DSCAM: variants seen among roughly 807,000 people sequenced by gnomAD.
DSCAM encodes DS cell adhesion molecule.
DSCAM carries 47 observed loss-of-function variants against 217.7 expected under a neutral mutation model. The ratio of observed to expected loss-of-function variants is 0.22; its 90% CI spans 0.17 to 0.28. The LOEUF is 0.28. Among genes scored for constraint, DSCAM ranks in the 10% least tolerant of loss-of-function variants. The pLI, the probability that DSCAM is intolerant of heterozygous loss-of-function variation, is 1.00. For synonymous variants in DSCAM, 1,056 were observed against 1,015.3 expected, an observed-to-expected ratio of 1.04 and a Z score of -0.76; for missense variants, 2,080 against 2,618.3, an observed-to-expected ratio of 0.79 and a Z score of 4.49.
intron 1 of DSCAM, among the ~76,000 whole-genome samples, chr21:40,709,082 T>C (rs1008010717): frequency 2.6e-5 from 4 of 152,184 alleles, no homozygotes; most frequent in Non-Finnish European, 5.9e-5. Flanking sequence ...CATTGGACTG[T>C]ATATATTTTA....
chr21:40,591,052 C>T (rs763762377), intron 3 of DSCAM, among the ~76,000 whole-genome samples: 3 of 152,150 alleles, frequency 2.0e-5, no homozygotes, highest in Non-Finnish European at 2.9e-5. Context: ...ATCATGGGGG[C>T]AGTTGCCCCA....
chr21:40,739,954 ATTTTTTTTTTTT>A (rs56815777), intron 1 of DSCAM, among the ~76,000 whole-genome samples: 131 of 58,986 alleles, frequency 2.2e-3, no homozygotes, highest in African/African-American at 8.0e-3. Context: ...TGCAGGTGTA[ATTTTTTTTTTTT>A]TTTTTTTTTT....
intron 1 of DSCAM, among the ~76,000 whole-genome samples, chr21:40,743,930 A>G (rs1444407324): frequency 6.6e-6 from 1 of 152,212 alleles, no homozygotes; most frequent in Non-Finnish European, 1.5e-5. Flanking sequence ...TCCTCCACAA[A>G]CATACAACTG....
At chr21:40,702,447 G>A (rs11088527) in intron 2 of DSCAM, among the ~76,000 whole-genome samples, 52,690 of 152,064 alleles carry the variant, frequency 0.35, 10,886 homozygotes, top group African/African-American at 0.59. Flanking sequence ...CTTTCTTTCA[G>A]TGGTTTACTT....
intron 1 of DSCAM, among the ~76,000 whole-genome samples, chr21:40,746,448 A>T (rs893372764): frequency 4.6e-5 from 7 of 151,844 alleles, no homozygotes; most frequent in African/African-American, 1.7e-4. Flanking sequence ...GTAAAAAATA[A>T]ACAAAAAGAC....
At chr21:40,801,100 C>T (rs1370591701) in intron 1 of DSCAM, among the ~76,000 whole-genome samples, 11 of 151,766 alleles carry the variant, frequency 7.2e-5, no homozygotes, top group Non-Finnish European at 1.6e-4. Flanking sequence ...TACAGGTGCC[C>T]ACCCCTACAC....
chr21:40,275,006 T>C (rs2073668036), intron 11 of DSCAM, among the ~76,000 whole-genome samples: 3 of 151,918 alleles, frequency 2.0e-5, no homozygotes, highest in South Asian at 2.1e-4. Flanking sequence ...AAACTATCCA[T>C]AGCAGAATTA....
At chr21:40,080,410 A>G in intron 24 of DSCAM, 70 bp from the exon 25 acceptor site, 2 of 1,309,546 alleles carry the variant, frequency 1.5e-6, no homozygotes, top group South Asian at 3.3e-5. Flanking sequence ...TGATGCTTGC[A>G]TTTTGTGTGG....
At chr21:40,411,303 T>C (rs1328821312) in intron 3 of DSCAM, among the ~76,000 whole-genome samples, 8 of 151,200 alleles carry the variant, frequency 5.3e-5, no homozygotes, top group Admixed American at 1.3e-4. Context: ...GACAAAATAA[T>C]GTTTTATACA....
chr21:40,480,001 T>G (rs1282293342), intron 3 of DSCAM, among the ~76,000 whole-genome samples: 1 of 152,214 alleles, frequency 6.6e-6, no homozygotes, highest in Admixed American at 6.5e-5. Context: ...TACCATGTCA[T>G]TTATTTAATT....
chr21:40,353,590 C>T lies in DSCAM; in HGVS notation c.809G>A (p.Arg270Lys), dbSNP rs775139428. Residue 270 changes from arginine (R) to lysine (K), a missense_variant, in exon 5 of 33, where the codon AGG becomes AAG. Arg to Lys is a conservative substitution (Grantham distance 26, BLOSUM62 2). Around this residue, in one of 5 missense-constraint regions of DSCAM, gnomAD observed 568 missense variants for 678.1 expected, o/e 0.84. Transcript: ENST00000400454. Reference protein sequence around the residue: ...KDNMPLELSGRFQKTVTGLLI... With the variant: ...KDNMPLELSGKFQKTVTGLLI... ...CAGCCCCGTCACGGTCTTCTGGAAC[C>T]TCCCTGAAAGTTCCAGGGGCATGTT... The T allele has an allele frequency of 1.2e-6, 2 of 1,610,208 alleles. No homozygotes were observed. Among genetic ancestry groups the T allele is most frequent in the East Asian group, 2.2e-5 (1 of 44,834 alleles).
At position 40,669,482 on chromosome 21, in the gene DSCAM, T is replaced by C. The variant is rs28575568; in HGVS notation, c.508+23328A>G. ...ACAGAACAGACCAAAATCTCTGCTTTCCTGTAGCTTATACACTAGTTGTCT... is the reference window on the plus strand; with the variant it reads ...ACAGAACAGACCAAAATCTCTGCTTCCCTGTAGCTTATACACTAGTTGTCT... On this transcript the variant is annotated intron_variant, in intron 3 of 32. Transcript: ENST00000400454. 1.8e-3 allele frequency among the ~76,000 whole-genome samples: 272 copies of C among 152,310 alleles called. 4 individuals are homozygous for C. The highest frequency in any genetic ancestry group is 6.4e-3 in the African/African-American group (267 of 41,574).
chr21:40,250,832 A>G (rs553700470), intron 11 of DSCAM, among the ~76,000 whole-genome samples: 1 of 152,340 alleles, frequency 6.6e-6, no homozygotes, highest in South Asian at 2.1e-4. Context: ...TACCTTGGCA[A>G]GTTCAAGATT....
intron 3 of DSCAM, among the ~76,000 whole-genome samples, chr21:40,411,180 ACACACAC>A (rs2075320276): frequency 4.1e-5 from 1 of 24,434 alleles, no homozygotes; most frequent in South Asian, 1.6e-3. Flanking sequence ...TTATATACAC[ACACACAC>A]ACACACACAC....
intron 1 of DSCAM, among the ~76,000 whole-genome samples, chr21:40,787,085 GA>G (rs1421027294): frequency 6.6e-6 from 1 of 152,128 alleles, no homozygotes; most frequent in Non-Finnish European, 1.5e-5. Context: ...ATTTTGCAAA[GA>G]CCACCTAGGA....
chr21:40,276,543 G>A (rs2073690063), intron 10 of DSCAM, among the ~76,000 whole-genome samples: 2 of 152,168 alleles, frequency 1.3e-5, no homozygotes, highest in Admixed American at 1.3e-4. Context: ...CAAATTTGAT[G>A]AGTGTTAAGT....
At chr21:40,809,004 A>G (rs901462408) in intron 1 of DSCAM, among the ~76,000 whole-genome samples, 36 of 152,040 alleles carry the variant, frequency 2.4e-4, no homozygotes, top group Non-Finnish European at 7.4e-5. Context: ...ACCCATTCCC[A>G]TGGTCAATCT....
Position 40,446,348 on chromosome 21 carries a change from T to C in DSCAM, c.509-77103A>G, listed in dbSNP as rs572774320. ...AACTGTGGACTCTGCTAAGGCCATG[T>C]CATGTAATCCAATGGAAAGGTCCAG... On this transcript the variant is annotated intron_variant, in intron 3 of 32. Coordinates refer to ENST00000400454, the MANE Select transcript of DSCAM (RefSeq NM_001389.5). Among the ~76,000 whole-genome samples the C allele has an allele frequency of 2.6e-5, 4 of 152,282 alleles. No homozygotes were observed. In the South Asian group the frequency reaches 8.3e-4, roughly 32 times the overall value.
At position 40,501,916 on chromosome 21, in the gene DSCAM, G is replaced by A. The variant is rs563138370; in HGVS notation, c.509-132671C>T. Among the ~76,000 whole-genome samples the A allele has an allele frequency of 2.2e-4, 34 of 152,186 alleles. No homozygotes were observed. In the South Asian group the frequency reaches 5.4e-3, roughly 24 times the overall value. Reference sequence around the variant, plus strand: ...CTAATGGATTATTAATGTTCTTTCCGGCTGCAGTGATTTTCTAATTTTGCT... The same window carrying A: ...CTAATGGATTATTAATGTTCTTTCCAGCTGCAGTGATTTTCTAATTTTGCT... On this transcript the variant is annotated intron_variant, in intron 3 of 32. Coordinates refer to ENST00000400454, the MANE Select transcript of DSCAM (RefSeq NM_001389.5).
Sources: gnomAD v4.1 joint callset for allele counts (sites outside exome capture counted in the v4.1 genomes callset) on GRCh38, gnomAD v4.1.1 for gene constraint, gnomAD v4.1.1 regional missense constraint, MANE v1.5 for transcripts, NCBI Gene and HGNC (gene_info 2026-07-23, HGNC 2026-07-21) for gene names.